LAMA2: variants seen among roughly 807,000 people sequenced by gnomAD.
The protein encoded by LAMA2 is laminin subunit alpha-2.
Under a neutral mutation model 364.8 loss-of-function variants are expected in LAMA2, and 269 were observed. That is an observed-to-expected ratio of 0.74 (90% CI 0.67 to 0.82). LAMA2 has a LOEUF of 0.82. LAMA2 is among the 40% of genes least tolerant of loss of function. LAMA2 has a pLI of 0.00. For synonymous variants in LAMA2, 1,379 were observed against 1,370.6 expected (o/e 1.01, Z -0.14); for missense variants, 3,807 against 3,873.2 (o/e 0.98, Z 0.45).
chr6:129,250,879 G>T (rs1434685961), intron 13 of LAMA2, among the ~76,000 whole-genome samples: 1 of 151,894 alleles, frequency 6.6e-6, no homozygotes, highest in African/African-American at 2.4e-5. Context: ...TGTTAATTTA[G>T]CACCAGGCTC....
At chr6:128,979,529 C>T (rs531001141) in intron 1 of LAMA2, among the ~76,000 whole-genome samples, 125 of 152,270 alleles carry the variant, frequency 8.2e-4, no homozygotes, top group Non-Finnish European at 1.4e-3. Flanking sequence ...TAACTAGGTA[C>T]TAGAGGAAAG....
intron 1 of LAMA2, among the ~76,000 whole-genome samples, chr6:128,910,850 C>A (rs1261292138): frequency 4.0e-5 from 6 of 151,128 alleles, no homozygotes; most frequent in Non-Finnish European, 7.4e-5. Context: ...AGTTTTCCTT[C>A]TAACAGACAG....
chr6:129,376,206 C>A (rs73774803), intron 34 of LAMA2, among the ~76,000 whole-genome samples: 1 of 152,182 alleles, frequency 6.6e-6, no homozygotes, highest in Admixed American at 6.5e-5. Flanking sequence ...TGGACCCCTA[C>A]GGATTGAGGG....
chr6:129,050,872 C>T (rs1408732511), intron 2 of LAMA2, among the ~76,000 whole-genome samples: 1 of 152,150 alleles, frequency 6.6e-6, no homozygotes, highest in East Asian at 1.9e-4. Flanking sequence ...TTTCCAGCCT[C>T]TATGAACCAC....
At chr6:129,490,044 A>T (rs965587062) in intron 56 of LAMA2, among the ~76,000 whole-genome samples, 4 of 152,240 alleles carry the variant, frequency 2.6e-5, no homozygotes, top group South Asian at 4.1e-4. Flanking sequence ...CTTTTTAAAA[A>T]TGGAAAACAC....
chr6:129,516,429 G>GTTAA lies in LAMA2; in HGVS notation c.*87_*90dup. ...AAACAAATATATTTTACCTATATATGTTAATTAAACTAATTTGTGCATGTA... is the reference window on the plus strand; with the variant it reads ...AAACAAATATATTTTACCTATATATGTTAATTAATTAAACTAATTTGTGCATGTA... On this transcript the variant is annotated 3_prime_UTR_variant, in exon 65 of 65. Transcript: ENST00000421865. 2.2e-6 allele frequency: 3 copies of GTTAA among 1,375,520 alleles called. No individual in the cohort carries two copies. The highest frequency in any genetic ancestry group is 1.0e-6 in the Non-Finnish European group (1 of 985,564). The allele number at this position is 1,375,520 out of a possible 1,614,324, so 85.2% of individuals were successfully genotyped here.
chr6:129,283,431 G>T (rs2130607), intron 18 of LAMA2, among the ~76,000 whole-genome samples: 1 of 151,822 alleles, frequency 6.6e-6, no homozygotes, highest in Non-Finnish European at 1.5e-5. Flanking sequence ...TTTCAAAAAG[G>T]CAGGCAAGTT....
chr6:129,291,781 A>G, intron 20 of LAMA2, 61 bp downstream of exon 20: 1 of 1,115,878 alleles, frequency 9.0e-7, no homozygotes, highest in Non-Finnish European at 1.4e-6. Context: ...CTGGCTTTTC[A>G]TGACATGTTT....
intron 3 of LAMA2, among the ~76,000 whole-genome samples, chr6:129,097,935 C>G (rs1413914430): frequency 6.6e-6 from 1 of 152,154 alleles, no homozygotes; most frequent in South Asian, 2.1e-4. Context: ...TGAGTTGTTA[C>G]TAAAATCCAG....
chr6:129,071,537 A>C (rs967761976), intron 3 of LAMA2, among the ~76,000 whole-genome samples: 1 of 152,074 alleles, frequency 6.6e-6, no homozygotes, highest in African/African-American at 2.4e-5. Flanking sequence ...TATATTTATT[A>C]ACGCCTACAA....
intron 1 of LAMA2, among the ~76,000 whole-genome samples, chr6:128,897,867 A>G (rs1776864059): frequency 6.6e-6 from 1 of 152,150 alleles, no homozygotes; most frequent in African/African-American, 2.4e-5. Flanking sequence ...TAGAGCTATG[A>G]CTGCATCAGA....
At chr6:129,269,694 A>C (rs1787786682) in intron 16 of LAMA2, among the ~76,000 whole-genome samples, 1 of 152,118 alleles carries the variant, frequency 6.6e-6, no homozygotes, top group Non-Finnish European at 1.5e-5. Context: ...TTTTACAAAA[A>C]AACAAGCAAT....
chr6:128,912,257 A>G (rs1354257074), intron 1 of LAMA2, among the ~76,000 whole-genome samples: 1 of 152,152 alleles, frequency 6.6e-6, no homozygotes, highest in East Asian at 1.9e-4. Flanking sequence ...AGTAATGTTT[A>G]TTTACTTCTA....
At chr6:128,936,183 T>A (rs1779800150) in intron 1 of LAMA2, among the ~76,000 whole-genome samples, 1 of 152,212 alleles carries the variant, frequency 6.6e-6, no homozygotes, top group Non-Finnish European at 1.5e-5. Flanking sequence ...ACTTTTTCCT[T>A]TATAAATCAC....
intron 32 of LAMA2, among the ~76,000 whole-genome samples, chr6:129,362,184 G>A (rs961640462): frequency 1.1e-4 from 17 of 151,940 alleles, no homozygotes; most frequent in Non-Finnish European, 2.4e-4. Flanking sequence ...TTTTCTTCCC[G>A]TCCATCTCTC....
At chr6:129,010,471 T>G (rs1262481443) in intron 1 of LAMA2, among the ~76,000 whole-genome samples, 1 of 152,228 alleles carries the variant, frequency 6.6e-6, no homozygotes. Context: ...TTCACTAATC[T>G]AGAAAATTCT....
chr6:129,262,686 C>T (rs1243669205), intron 15 of LAMA2, among the ~76,000 whole-genome samples: 1 of 152,094 alleles, frequency 6.6e-6, no homozygotes, highest in African/African-American at 2.4e-5. Flanking sequence ...AACTTTCTGT[C>T]CCTAAATTCA....
At chr6:129,165,532 G>C in intron 8 of LAMA2, 44 bp from the exon 9 acceptor site, 1 of 1,336,362 alleles carries the variant, frequency 7.5e-7, no homozygotes, top group Non-Finnish European at 1.1e-6. Context: ...AAATATTGCT[G>C]TTTCTATTAC....
chr6:129,311,601 G>A (rs1300839849), intron 22 of LAMA2, among the ~76,000 whole-genome samples: 4 of 152,192 alleles, frequency 2.6e-5, no homozygotes, highest in African/African-American at 9.7e-5. Flanking sequence ...AACAGTAGAT[G>A]TATAATTGGC....
Sources: gnomAD v4.1 joint callset for allele counts (sites outside exome capture counted in the v4.1 genomes callset) on GRCh38, gnomAD v4.1.1 for gene constraint, MANE v1.5 for transcripts, NCBI Gene and HGNC (gene_info 2026-07-23, HGNC 2026-07-21) for gene names.